The following TNFAIP8 variants were observed in gnomAD, a reference collection of about 807,000 sequenced individuals.
The protein encoded by TNFAIP8 is TNF alpha induced protein 8, also known as tumor necrosis factor alpha-induced protein 8.
In TNFAIP8, 7 loss-of-function variants were observed where a neutral mutation model predicts 13.3. The observed-to-expected ratio is 0.52, with a 90% CI of 0.30 to 0.99. The LOEUF (loss-of-function observed/expected upper bound fraction) is 0.99, where lower values mean the gene tolerates loss of function less well. Ranked by LOEUF, TNFAIP8 falls within the 50% of genes least tolerant of loss-of-function variation. TNFAIP8 has a pLI of 0.07. For missense variants in TNFAIP8, 258 were observed against 236.9 expected (o/e 1.09, Z -0.58); for synonymous variants, 94 against 87.6 (o/e 1.07, Z -0.41).
intron 1 of TNFAIP8, among the ~76,000 whole-genome samples, chr5:119,346,473 C>T (rs774579694): frequency 6.6e-6 from 1 of 152,078 alleles, no homozygotes; most frequent in Non-Finnish European, 1.5e-5. Flanking sequence ...TGTAAAGGTC[C>T]CTTCTGTGTC....
At chr5:119,299,680 G>A (rs574978496) in intron 1 of TNFAIP8, among the ~76,000 whole-genome samples, 12 of 152,222 alleles carry the variant, frequency 7.9e-5, no homozygotes, top group Admixed American at 6.5e-4. Context: ...GGTTACTGCT[G>A]TCTTTTTGTT....
At chr5:119,376,364 G>A (rs887270525) in intron 1 of TNFAIP8, among the ~76,000 whole-genome samples, 3 of 149,946 alleles carry the variant, frequency 2.0e-5, no homozygotes, top group East Asian at 2.0e-4. Flanking sequence ...CAGGTGATCC[G>A]CCCACCTCAG....
intron 1 of TNFAIP8, among the ~76,000 whole-genome samples, chr5:119,287,679 A>G (rs1026519654): frequency 3.9e-5 from 6 of 152,100 alleles, no homozygotes; most frequent in African/African-American, 1.4e-4. Context: ...TTATCTCTAG[A>G]ACTCATCTTT....
intron 1 of TNFAIP8, among the ~76,000 whole-genome samples, chr5:119,318,961 A>G (rs1427588823): frequency 2.0e-5 from 3 of 152,190 alleles, no homozygotes; most frequent in Non-Finnish European, 4.4e-5. Flanking sequence ...AACAGCTCAT[A>G]TGATATTTGG....
chr5:119,292,064 A>C (rs938201020), intron 1 of TNFAIP8, among the ~76,000 whole-genome samples: 1 of 152,236 alleles, frequency 6.6e-6, no homozygotes, highest in African/African-American at 2.4e-5. Context: ...ATTTGCTCAC[A>C]GAATGCCAGG....
chr5:119,360,707 T>C (rs1751600254), intron 1 of TNFAIP8, among the ~76,000 whole-genome samples: 1 of 152,108 alleles, frequency 6.6e-6, no homozygotes, highest in African/African-American at 2.4e-5. Context: ...GGTTTTAGCA[T>C]CCTGGGTATT....
chr5:119,358,936 CTCCTCCATTGCCCATAGTAGCCAT>C (rs1751535792), intron 1 of TNFAIP8, among the ~76,000 whole-genome samples: 1 of 152,284 alleles, frequency 6.6e-6, no homozygotes, highest in East Asian at 1.9e-4. Context: ...GTCTGGCTCG[CTCCTCCATTGCCCATAGTAGCCAT>C]TTCCCACCAC....
chr5:119,286,294 A>G (rs1748774812), intron 1 of TNFAIP8, among the ~76,000 whole-genome samples: 1 of 152,124 alleles, frequency 6.6e-6, no homozygotes, highest in African/African-American at 2.4e-5. Flanking sequence ...TGATTCCTCT[A>G]ACCCAGAATA....
intron 1 of TNFAIP8, among the ~76,000 whole-genome samples, chr5:119,338,878 A>G (rs1750644028): frequency 6.6e-6 from 1 of 152,112 alleles, no homozygotes; most frequent in African/African-American, 2.4e-5. Flanking sequence ...GACTCTATAT[A>G]TACAAAAAGT....
chr5:119,321,327 A>AT (rs1214438166), intron 1 of TNFAIP8, among the ~76,000 whole-genome samples: 1 of 152,152 alleles, frequency 6.6e-6, no homozygotes, highest in Non-Finnish European at 1.5e-5. Flanking sequence ...TTTTTTGTTC[A>AT]TATTTTGTTA....
At chr5:119,386,185 G>GT (rs2112851639) in intron 1 of TNFAIP8, among the ~76,000 whole-genome samples, 1 of 152,290 alleles carries the variant, frequency 6.6e-6, no homozygotes, top group African/African-American at 2.4e-5. Flanking sequence ...TACAAGGTAT[G>GT]TTTTTTAAGA....
At chr5:119,354,700 G>A (rs1263021468), upstream of TNFAIP8, 1 of 152,206 alleles carries the variant, frequency 6.6e-6, no homozygotes, top group African/African-American at 2.4e-5. Context: ...TACAAATGAG[G>A]AACTGGAGGC....
At chr5:119,291,888 G>A (rs1257347270) in intron 1 of TNFAIP8, among the ~76,000 whole-genome samples, 1 of 152,210 alleles carries the variant, frequency 6.6e-6, no homozygotes, top group African/African-American at 2.4e-5. Flanking sequence ...AATCAGGAAT[G>A]CAGACTGTAT....
chr5:119,271,206 G>A (rs546703447), intron 1 of TNFAIP8, among the ~76,000 whole-genome samples: 66 of 152,304 alleles, frequency 4.3e-4, no homozygotes, highest in African/African-American at 1.5e-3. Context: ...TGGAGGAAAG[G>A]GTGTGTGGAG....
chr5:119,331,202 T>A (rs1449424321), intron 1 of TNFAIP8, among the ~76,000 whole-genome samples: 1 of 152,102 alleles, frequency 6.6e-6, no homozygotes, highest in Non-Finnish European at 1.5e-5. Flanking sequence ...ATGGAAGTGC[T>A]GTGCATAGTC....
At chr5:119,320,907 A>G (rs1022959117) in intron 1 of TNFAIP8, among the ~76,000 whole-genome samples, 2 of 150,428 alleles carry the variant, frequency 1.3e-5, no homozygotes, top group South Asian at 4.1e-4. Flanking sequence ...AAAAAACGAA[A>G]AACAAAAAAC....
intron 1 of TNFAIP8, among the ~76,000 whole-genome samples, chr5:119,280,922 T>G (rs1748607554): frequency 6.6e-6 from 1 of 152,154 alleles, no homozygotes; most frequent in South Asian, 2.1e-4. Context: ...TTTTTAATTG[T>G]TATGAGCTCA....
rs530497551 is a variant in TNFAIP8 at position 119,301,849 on chromosome 5, G to T, written c.1+32942G>T. On this transcript the variant is annotated intron_variant, in intron 1 of 1. Transcript: ENST00000274456. The stretch of plus-strand genomic sequence containing the variant: ...TCCAAGTGCCAACCCAGATACTGAG[G>T]ATATTCCCACTATACCTTCCCTACT... 7.4e-4 allele frequency among the ~76,000 whole-genome samples: 112 copies of T among 152,276 alleles called. 2 individuals carry two copies. The South Asian group carries it at 0.023, about 31-fold the overall frequency.
chr5:119,268,952 G>C (rs1005606624), intron 1 of TNFAIP8: 1 of 672,700 alleles, frequency 1.5e-6, no homozygotes, highest in African/African-American at 1.8e-5. Flanking sequence ...ACTCCAGCGC[G>C]CCTCTCCCGC....
Sources: gnomAD v4.1 joint callset for allele counts (sites outside exome capture counted in the v4.1 genomes callset) on GRCh38, gnomAD v4.1.1 for gene constraint, MANE v1.5 for transcripts, NCBI Gene and HGNC (gene_info 2026-07-23, HGNC 2026-07-21) for gene names.